The following PRDM15 variants were observed in gnomAD, a reference collection of about 807,000 sequenced individuals.
The protein encoded by PRDM15 is PR domain zinc finger protein 15.
Under a neutral mutation model 128.6 loss-of-function variants are expected in PRDM15, and 64 were observed. That is an observed-to-expected ratio of 0.50 (90% CI 0.41 to 0.61). The LOEUF (loss-of-function observed/expected upper bound fraction) is 0.61, where lower values mean the gene tolerates loss of function less well. PRDM15 is among the 20% of genes least tolerant of loss of function. PRDM15 has a pLI of 0.00. For missense variants in PRDM15, 1,242 were observed against 1,569.1 expected, an observed-to-expected ratio of 0.79 and a Z score of 3.52; for synonymous variants, 615 against 621.8, an observed-to-expected ratio of 0.99 and a Z score of 0.16.
At chr21:41,877,481 A>T (rs2064462034) in intron 1 of PRDM15, 1 of 152,210 alleles carries the variant, frequency 6.6e-6, no homozygotes. Context: ...AGGGCCATCC[A>T]CACTTTGCAA....
In PRDM15 at chr21:41,839,758, C is replaced by A. The variant is rs1005033446; in HGVS notation, c.736G>T (p.Gly246Trp). 6.2e-7 allele frequency: 1 copy of A among 1,614,142 alleles called. No individual in the cohort carries two copies. The highest frequency in any genetic ancestry group is 8.5e-7 in the Non-Finnish European group (1 of 1,180,060). Residue 246 changes from glycine (G) to tryptophan (W), a missense_variant, in exon 7 of 24, where the codon GGG becomes TGG. Coordinates refer to ENST00000398548, the MANE Select transcript of PRDM15 (RefSeq NM_001040424.3). ...APEKEQDTPRGEPPAVPESEN... is the reference protein window; with the variant it reads ...APEKEQDTPRWEPPAVPESEN... ...CTCTCGGGCACTGCAGGGGGTTCCC[C>A]CCGGGGTGTGTCCTGCTCCTTCTCG...
chr21:41,803,781 T>C (rs576847201), intron 22 of PRDM15, among the ~76,000 whole-genome samples: 1 of 152,246 alleles, frequency 6.6e-6, no homozygotes, highest in South Asian at 2.1e-4. Flanking sequence ...AAAGCGCTGT[T>C]TCAGAACGAG....
In PRDM15 at chr21:41,799,550, T is replaced by C. The variant is rs2146103362; in HGVS notation, c.*1690A>G. 1 of 152,364 alleles carries C rather than the reference T, an allele frequency of 6.6e-6. No individual in the cohort carries two copies. The highest frequency in any genetic ancestry group is 2.1e-4 in the South Asian group (1 of 4,826). 9.4% of individuals were successfully genotyped at this position (152,364 alleles called of 1,614,324 possible). A position where few individuals can be genotyped will look rare whatever the true frequency, so the allele number is the denominator to read the frequency against. On this transcript the variant is annotated 3_prime_UTR_variant, in exon 24 of 24. Transcript: ENST00000398548. ...GGTGAGCCCCACAGACCCTCCTGCA[T>C]GCTGCCTGGGGATGAACATTCCTTA...
chr21:41,835,112 G>A (rs894006434), intron 11 of PRDM15, among the ~76,000 whole-genome samples: 10 of 152,008 alleles, frequency 6.6e-5, no homozygotes, highest in African/African-American at 1.7e-4. Flanking sequence ...TTCCTCAGAC[G>A]GCCCTAGAAA....
At position 41,832,173 on chromosome 21, in the gene PRDM15, C is replaced by A. The variant is rs1301649390; in HGVS notation, c.1366+3264G>T. 6.6e-6 allele frequency among the ~76,000 whole-genome samples: 1 copy of A among 152,206 alleles called. No individual in the cohort carries two copies. The highest frequency in any genetic ancestry group is 1.5e-5 in the Non-Finnish European group (1 of 68,036). On this transcript the variant is annotated intron_variant, in intron 11 of 23. Transcript: ENST00000398548. This position sits in a 1 kb window ranked among gnomAD's most constrained non-coding sequence, Gnocchi z 4.2. ...AAAACTCACTTTGCTATTTTTGACA[C>A]TGTAGATAATTTAGTGATGGAATCT...
At chr21:41,878,771 G>A (rs1485881861) in intron 1 of PRDM15, 3 of 1,464,308 alleles carry the variant, frequency 2.0e-6, no homozygotes, top group African/African-American at 1.5e-5. Flanking sequence ...TGTACCCGAG[G>A]GCGGGGGATA....
intron 14 of PRDM15, chr21:41,823,078 T>A: frequency 2.0e-6 from 1 of 490,372 alleles, no homozygotes; most frequent in Non-Finnish European, 3.7e-6. Context: ...ATAGAAGAGA[T>A]CCCTACCCTT....
intron 5 of PRDM15, among the ~76,000 whole-genome samples, chr21:41,850,666 C>T (rs187245471): frequency 5.3e-5 from 8 of 152,090 alleles, no homozygotes; most frequent in Admixed American, 2.6e-4. Context: ...CCCACGAGGG[C>T]GGCTGCAGTG....
Position 41,801,172 on chromosome 21 carries a change from G to A in PRDM15, c.*68C>T. 6 of 1,491,234 alleles carry A rather than the reference G, an allele frequency of 4.0e-6. No homozygotes were observed. The highest frequency in any genetic ancestry group is 5.3e-6 in the Non-Finnish European group (6 of 1,127,108). The allele number at this position is 1,491,234 out of a possible 1,614,324, so 92.4% of individuals were successfully genotyped here. Reference sequence around the variant, plus strand: ...TGACTTTTTGTTTGTTTGGTATCCAGCAAACACATCTAAACAAATCCCAAA... The same window carrying A: ...TGACTTTTTGTTTGTTTGGTATCCAACAAACACATCTAAACAAATCCCAAA... On this transcript the variant is annotated 3_prime_UTR_variant, in exon 24 of 24. Transcript: ENST00000398548.
intron 10 of PRDM15, 49 bp downstream of exon 10, chr21:41,836,064 G>A (rs1320258547): frequency 1.6e-6 from 2 of 1,287,294 alleles, no homozygotes; most frequent in East Asian, 2.8e-5. Flanking sequence ...TCAGTTGTCT[G>A]TGTTGTCCAC....
Position 41,834,674 on chromosome 21 carries a change from G to T in PRDM15, c.1366+763C>A. On this transcript the variant is annotated intron_variant, in intron 11 of 23. Transcript: ENST00000398548. Reference sequence around the variant, plus strand: ...ACCCACCACTGGGAATGGGGAAGGTGTGACTCCCACATCCCAGAGGGTGCA... The same window carrying T: ...ACCCACCACTGGGAATGGGGAAGGTTTGACTCCCACATCCCAGAGGGTGCA... 3.9e-6 allele frequency: 3 copies of T among 770,568 alleles called. No individual in the cohort carries two copies. The East Asian group carries it at 8.1e-5, about 21-fold the overall frequency. 47.7% of individuals were successfully genotyped at this position (770,568 alleles called of 1,614,324 possible).
rs1164706759 is a variant in PRDM15, at chr21:41,821,111, G to A, written c.2016C>T (p.His672=). 3 of 1,614,142 alleles carry A rather than the reference G, an allele frequency of 1.9e-6. No homozygotes were observed. The highest frequency in any genetic ancestry group is 3.3e-5 in the Admixed American group (2 of 60,014). The change falls in exon 16 of 24, where the codon CAC becomes CAT. Residue 672 remains histidine, a synonymous_variant. Coordinates refer to ENST00000398548, the MANE Select transcript of PRDM15 (RefSeq NM_001040424.3). The surrounding 1 kb of genome is among the most constrained non-coding windows in gnomAD (Gnocchi z 5.4). The part of the protein sequence containing the change: ...RFALKATYHA[H]MVIHRENLPD... The stretch of plus-strand genomic sequence containing the variant: ...GCAGGTTTTCACGGTGGATGACCAT[G>A]TGGGCGTGGTAGGTGGCCTTCAGTG...
In PRDM15 at chr21:41,828,180, C is replaced by G; in HGVS notation, c.1520G>C (p.Arg507Pro). Residue 507 changes from arginine to proline, a missense_variant, in exon 12 of 24, where the codon CGC (arginine) becomes CCC (proline). By Grantham distance (103) the Arg-to-Pro change is moderately radical (BLOSUM62 -2). Transcript: ENST00000398548. This position sits in a 1 kb window ranked among gnomAD's most constrained non-coding sequence, Gnocchi z 5.7. ...GGCGGCCTCACCTTCCAGGTGCCGGCGCTGGTGGTCCAGCATGACGTCCTT... is the reference window on the plus strand; with the variant it reads ...GGCGGCCTCACCTTCCAGGTGCCGGGGCTGGTGGTCCAGCATGACGTCCTT... Reference protein sequence around the residue: ...YRKDVMLDHQRRHLEGVRRVK... With the variant: ...YRKDVMLDHQPRHLEGVRRVK... 1 of 1,613,886 alleles carries G rather than the reference C, an allele frequency of 6.2e-7. No homozygotes were observed.
intron 18 of PRDM15, 102 bp downstream of exon 18, chr21:41,819,480 C>CCCCAA: frequency 1.8e-6 from 2 of 1,131,590 alleles, no homozygotes; most frequent in Non-Finnish European, 2.4e-6. Context: ...CCGCCACACC[C>CCCCAA]ACCTTCCCCA....
chr21:41,854,437 T>C lies in PRDM15; in HGVS notation c.538+129A>G. 1 of 1,214,552 alleles carries C rather than the reference T, an allele frequency of 8.2e-7. No homozygotes were observed. Among genetic ancestry groups the C allele is most frequent in the Non-Finnish European group, 1.1e-6 (1 of 878,806 alleles). The allele number at this position is 1,214,552 out of a possible 1,614,324, so 75.2% of individuals were successfully genotyped here. ...GACCCGACTCTCCACTCCTCCACTC[T>C]CCGCATCCCAGCAGCTGGCCCAGCC... On this transcript the variant is annotated intron_variant, in intron 5 of 23. Coordinates refer to ENST00000398548, the MANE Select transcript of PRDM15 (RefSeq NM_001040424.3). The surrounding 1 kb of genome is among the most constrained non-coding windows in gnomAD (Gnocchi z 4.6).
chr21:41,834,440 C>T (rs573310259), intron 11 of PRDM15: 6 of 1,426,948 alleles, frequency 4.2e-6, no homozygotes, highest in Admixed American at 2.0e-5. Flanking sequence ...ACAAGAACAA[C>T]ACAGAGATGC....
chr21:41,820,658 G>A (rs62216233), intron 16 of PRDM15, among the ~76,000 whole-genome samples: 12,600 of 152,290 alleles, frequency 0.083, 678 homozygotes, highest in Non-Finnish European at 0.12. Flanking sequence ...AGGCTGTGCC[G>A]GCTGTGGTTC....
At position 41,821,864 on chromosome 21, in the gene PRDM15, T is replaced by A; in HGVS notation, c.1896+39A>T. On this transcript the variant is annotated intron_variant, in intron 15 of 23. Transcript: ENST00000398548. This position sits in a 1 kb window ranked among gnomAD's most constrained non-coding sequence, Gnocchi z 5.4. Reference sequence around the variant, plus strand: ...CAGCCTTGAAACGACCACCTTCCTCTCCAGACCACCCAGGCACCGCGGGGC... The same window carrying A: ...CAGCCTTGAAACGACCACCTTCCTCACCAGACCACCCAGGCACCGCGGGGC... 6.2e-7 allele frequency: 1 copy of A among 1,610,834 alleles called. No homozygotes were observed. Among genetic ancestry groups the A allele is most frequent in the Non-Finnish European group, 8.5e-7 (1 of 1,179,628 alleles).
chr21:41,839,614 G>A lies in PRDM15; in HGVS notation c.871+9C>T, dbSNP rs781488181. 3.2e-5 allele frequency: 50 copies of A among 1,574,300 alleles called. No individual in the cohort carries two copies. The highest frequency in any genetic ancestry group is 5.4e-5 in the African/African-American group (4 of 73,428). On this transcript the variant is annotated intron_variant, in intron 7 of 23. Transcript: ENST00000398548. ...ACGCAGGCACTCATCCCCGGGACCCGCTCATCACCTGTGGGTTCCTTGTCT... is the reference window on the plus strand; with the variant it reads ...ACGCAGGCACTCATCCCCGGGACCCACTCATCACCTGTGGGTTCCTTGTCT...
Sources: allele counts gnomAD v4.1 joint callset (sites outside exome capture counted in the v4.1 genomes callset), GRCh38; gene constraint gnomAD v4.1.1; non-coding constraint Gnocchi (gnomAD v3.1); transcripts MANE v1.5; gene names NCBI Gene and HGNC (gene_info 2026-07-23, HGNC 2026-07-21).